Variants in EIF4G1 observed in about 807,000 individuals in gnomAD.
EIF4G1 encodes the protein EIF4-gamma.
Under a neutral mutation model 187.8 loss-of-function variants are expected in EIF4G1, and 4 were observed. The ratio of observed to expected loss-of-function variants is 0.02; its 90% CI spans 0.01 to 0.05. EIF4G1 has a LOEUF of 0.05. EIF4G1 is among the 10% of genes least tolerant of loss of function. The pLI is 1.00. For synonymous variants in EIF4G1, 844 were observed against 781.4 expected (o/e 1.08, Z -1.34); for missense variants, 1,647 against 2,081.1 (o/e 0.79, Z 4.06).
At chr3:184,324,469 C>G in intron 17 of EIF4G1, 122 bp downstream of exon 17, 2 of 1,462,702 alleles carry the variant, frequency 1.4e-6, no homozygotes, top group Non-Finnish European at 1.9e-6. Flanking sequence ...TGGCTCAGGA[C>G]GTTTTTTTTC....
intron 32 of EIF4G1, among the ~76,000 whole-genome samples, chr3:184,333,710 AG>A (rs1399990469): frequency 2.6e-5 from 4 of 152,244 alleles, no homozygotes; most frequent in Admixed American, 1.3e-4. Context: ...TAAGTGAGAC[AG>A]AAAGAAGGGA....
Position 184,319,426 on chromosome 3 carries a change from GGTGTGT to G in EIF4G1, c.425-228_425-223del, listed in dbSNP as rs1168140244. Reference sequence around the variant, plus strand: ...TAGGAAAGAGTGCCTGCCTACGAGGGGTGTGTGTGTGTGTGTGTGTGTGTGTGTGTG... The same window carrying G: ...TAGGAAAGAGTGCCTGCCTACGAGGGGTGTGTGTGTGTGTGTGTGTGTGTG... On this transcript the variant is annotated intron_variant, in intron 6 of 32. Transcript: ENST00000346169. 1.7e-3 allele frequency among the ~76,000 whole-genome samples: 196 copies of G among 112,962 alleles called. 3 individuals carry two copies. In the East Asian group the frequency reaches 0.027, roughly 15 times the overall value. 74.1% of individuals were successfully genotyped at this position (112,962 alleles called of 152,430 possible). A position where few individuals can be genotyped will look rare whatever the true frequency, so the allele number is the denominator to read the frequency against.
At chr3:184,316,048 G>C (rs1179074213) in intron 3 of EIF4G1, 84 bp from the exon 4 acceptor site, 1 of 1,585,606 alleles carries the variant, frequency 6.3e-7, no homozygotes, top group East Asian at 2.3e-5. Flanking sequence ...TCTTGCCGCA[G>C]ATCTGCTCCC....
Position 184,322,663 on chromosome 3 carries a change from A to C in EIF4G1, c.1728A>C (p.Ser576=), listed in dbSNP as rs766311201. 10 of 1,614,100 alleles carry C rather than the reference A, an allele frequency of 6.2e-6. No homozygotes were observed. The highest frequency in any genetic ancestry group is 8.5e-6 in the Non-Finnish European group (10 of 1,180,052). The change falls in exon 12 of 33, where the codon TCA becomes TCC. Residue 576 remains serine (S), a synonymous_variant. Coordinates refer to ENST00000346169, the MANE Select transcript of EIF4G1 (RefSeq NM_198241.3). ...RPEEADETWD[S]KEDKIHNAEN... ...AGGAAGCAGATGAGACCTGGGACTC[A>C]AAGGAAGACAAAATTCACAATGCTG...
chr3:184,333,379 C>T (rs1726509937), intron 32 of EIF4G1, among the ~76,000 whole-genome samples: 1 of 152,106 alleles, frequency 6.6e-6, no homozygotes, highest in African/African-American at 2.4e-5. Flanking sequence ...GAAATGCCGG[C>T]ACAGGGTAAC....
In EIF4G1 at chr3:184,326,942, G is replaced by A. The variant is rs765058877; in HGVS notation, c.3387G>A (p.Ala1129=). ...ATCGCTTCTCAGCCCTTCAACAAGCGGTACCCACAGAAAGCACAGATAATA... is the reference window on the plus strand; with the variant it reads ...ATCGCTTCTCAGCCCTTCAACAAGCAGTACCCACAGAAAGCACAGATAATA... ...TLNRFSALQQ[A]VPTESTDNRR... The change falls in exon 23 of 33, where the codon GCG becomes GCA. Residue 1129 remains alanine (A), a synonymous_variant. Coordinates refer to ENST00000346169, the MANE Select transcript of EIF4G1 (RefSeq NM_198241.3). 15 of 1,614,206 alleles carry A rather than the reference G, an allele frequency of 9.3e-6. No individual in the cohort carries two copies. The highest frequency in any genetic ancestry group is 6.7e-5 in the East Asian group (3 of 44,888).
chr3:184,327,201 C>T lies in EIF4G1; in HGVS notation c.3429-15C>T, dbSNP rs750728697. The T allele has an allele frequency of 7.4e-6, 12 of 1,612,280 alleles. No individual in the cohort carries two copies. The highest frequency in any genetic ancestry group is 1.1e-5 in the South Asian group (1 of 90,992). On this transcript the variant is annotated splice_polypyrimidine_tract_variant and intron_variant, in intron 23 of 32. Transcript: ENST00000346169. ...GCAGTGCAAGTGAGTGAAAATTTGT[C>T]TGTCTGTCTTCCAGGAGTAGCTTGA...
At chr3:184,329,703 A>T (rs555650768) in intron 28 of EIF4G1, among the ~76,000 whole-genome samples, 1 of 152,242 alleles carries the variant, frequency 6.6e-6, no homozygotes, top group East Asian at 1.9e-4. Context: ...AATAGAGTGG[A>T]GTATCTTAAG....
At chr3:184,332,779 A>G (rs1378723532) in intron 32 of EIF4G1, among the ~76,000 whole-genome samples, 1 of 152,118 alleles carries the variant, frequency 6.6e-6, no homozygotes, top group Non-Finnish European at 1.5e-5. Flanking sequence ...ACACAGGGAA[A>G]AGAACTATTA....
chr3:184,330,824 C>T (rs1011680184), intron 28 of EIF4G1, among the ~76,000 whole-genome samples: 17 of 152,032 alleles, frequency 1.1e-4, no homozygotes, highest in Admixed American at 2.6e-4. Flanking sequence ...TCATTGCAAC[C>T]CTCGCCTTGG....
rs530216640 is a variant in EIF4G1, at chr3:184,324,367, C to T, written c.2619+20C>T. ...GCTACGGTGAGAGAAAACCCACTATCGATTCCACTCACCACTTACCTCCTT... is the reference window on the plus strand; with the variant it reads ...GCTACGGTGAGAGAAAACCCACTATTGATTCCACTCACCACTTACCTCCTT... On this transcript the variant is annotated intron_variant, in intron 17 of 32. Transcript: ENST00000346169. The T allele has an allele frequency of 6.9e-5, 111 of 1,614,086 alleles. No homozygotes were observed. The South Asian group carries it at 7.7e-4, about 11-fold the overall frequency.
chr3:184,316,357 T>C, intron 4 of EIF4G1, 139 bp downstream of exon 4: 2 of 1,150,858 alleles, frequency 1.7e-6, no homozygotes, highest in South Asian at 1.5e-5. Context: ...CTCTGCGCCT[T>C]GCCCTGTTGA....
chr3:184,333,500 C>T (rs897327938), intron 32 of EIF4G1, among the ~76,000 whole-genome samples: 5 of 152,124 alleles, frequency 3.3e-5, no homozygotes, highest in African/African-American at 1.2e-4. Context: ...CAAAGGAGGA[C>T]AGGCCCCTCT....
chr3:184,321,970 A>C lies in EIF4G1; in HGVS notation c.1386A>C (p.Glu462Asp). 1.9e-6 allele frequency: 3 copies of C among 1,613,748 alleles called. No individual in the cohort carries two copies. Among genetic ancestry groups the C allele is most frequent in the Non-Finnish European group, 2.5e-6 (3 of 1,179,846 alleles). Residue 462 changes from glutamate (E) to aspartate (D), a missense_variant, in exon 10 of 33, where the codon GAA becomes GAC. This residue lies in a region of EIF4G1 where 522 missense variants were observed against 485.2 expected (regional missense o/e 1.08). Transcript: ENST00000346169. ...AQEEEMEEEE[E>D]EEEGEAGEAG... Reference sequence around the variant, plus strand: ...AGGAGGAAATGGAAGAAGAAGAAGAAGAGGAAGAAGGAGAAGCAGGAGAAG... The same window carrying C: ...AGGAGGAAATGGAAGAAGAAGAAGACGAGGAAGAAGGAGAAGCAGGAGAAG...
In EIF4G1 at chr3:184,317,400, C is replaced by T; in HGVS notation, c.227C>T (p.Pro76Leu). ...VQSAAPARPGPAAHVYPAGSQ... is the reference protein window; with the variant it reads ...VQSAAPARPGLAAHVYPAGSQ... ...AGTGCAGCCCCTGCCCGCCCTGGCCCAGCTGCCCATGTCTACCCTGCTGGA... is the reference window on the plus strand; with the variant it reads ...AGTGCAGCCCCTGCCCGCCCTGGCCTAGCTGCCCATGTCTACCCTGCTGGA... The change falls in exon 5 of 33, where the codon CCA (proline) becomes CTA (leucine). Residue 76 changes from proline to leucine, a missense_variant. Coordinates refer to ENST00000346169, the MANE Select transcript of EIF4G1 (RefSeq NM_198241.3). The T allele has an allele frequency of 1.2e-6, 2 of 1,614,144 alleles. No individual in the cohort carries two copies. The highest frequency in any genetic ancestry group is 1.7e-6 in the Non-Finnish European group (2 of 1,180,024).
chr3:184,322,338 T>A (rs1560215493), intron 10 of EIF4G1, 24 bp from the exon 11 acceptor site: 10 of 1,604,918 alleles, frequency 6.2e-6, no homozygotes, highest in Non-Finnish European at 8.5e-6. Context: ...AGATCCATGC[T>A]TTTATTTATT....
In EIF4G1 at chr3:184,321,924, C is replaced by T. The variant is rs764522488; in HGVS notation, c.1340C>T (p.Ser447Leu). 11 of 1,614,186 alleles carry T rather than the reference C, an allele frequency of 6.8e-6. No individual in the cohort carries two copies. Among genetic ancestry groups the T allele is most frequent in the East Asian group, 2.2e-5 (1 of 44,888 alleles). The change falls in exon 10 of 33, where the codon TCA becomes TTA. Residue 447 changes from serine (S) to leucine (L), a missense_variant. By Grantham distance (145) the Ser-to-Leu change is moderately radical (BLOSUM62 -2). Around this residue, in one of 11 missense-constraint regions of EIF4G1, gnomAD observed 522 missense variants for 485.2 expected, o/e 1.08. Transcript: ENST00000346169. ...TCTGCTACTCCAGCTACGGCTCCTTCAGCTACTTCCCCAGCTCAGGAGGAG... is the reference window on the plus strand; with the variant it reads ...TCTGCTACTCCAGCTACGGCTCCTTTAGCTACTTCCCCAGCTCAGGAGGAG... ...IPSATPATAP[S>L]ATSPAQEEEM...
intron 6 of EIF4G1, among the ~76,000 whole-genome samples, chr3:184,319,463 G>GTGTT (rs1463369986): frequency 7.3e-5 from 1 of 13,638 alleles, no homozygotes; most frequent in Non-Finnish European, 1.4e-4. Flanking sequence ...GTGTGTGTGT[G>GTGTT]TGTTTGTGTG....
rs757669338 is a variant in EIF4G1 at position 184,323,976 on chromosome 3, C to T, written c.2471C>T (p.Ala824Val). The change falls in exon 16 of 33, where the codon GCG becomes GTG. Residue 824 changes from alanine to valine, a missense_variant and splice_region_variant. Physicochemically the swap from Ala to Val is moderately conservative, Grantham distance 64. This residue lies in a region of EIF4G1 where 36 missense variants were observed against 87.6 expected (regional missense o/e 0.41). Coordinates refer to ENST00000346169, the MANE Select transcript of EIF4G1 (RefSeq NM_198241.3). This position sits in a 1 kb window ranked among gnomAD's most constrained non-coding sequence, Gnocchi z 6.9. ...AYANMCRCLMALKVPTTEKPT... is the reference protein window; with the variant it reads ...AYANMCRCLMVLKVPTTEKPT... ...GCCAACATGTGCCGCTGCCTCATGGCGGTTAGTTTCCAGTGGGTTCTAAAT... is the reference window on the plus strand; with the variant it reads ...GCCAACATGTGCCGCTGCCTCATGGTGGTTAGTTTCCAGTGGGTTCTAAAT... 6.8e-6 allele frequency: 11 copies of T among 1,613,660 alleles called. No individual in the cohort carries two copies. The highest frequency in any genetic ancestry group is 9.3e-6 in the Non-Finnish European group (11 of 1,180,042).
Sources: gnomAD v4.1 joint callset for allele counts (sites outside exome capture counted in the v4.1 genomes callset) on GRCh38, gnomAD v4.1.1 for gene constraint, gnomAD v4.1.1 regional missense constraint, Gnocchi (gnomAD v3.1) non-coding constraint, MANE v1.5 for transcripts, NCBI Gene and HGNC (gene_info 2026-07-23, HGNC 2026-07-21) for gene names.